The following NAV2 variants were observed in gnomAD, a reference collection of about 807,000 sequenced individuals.
NAV2 encodes neuron navigator 2, also known as helicase, APC down-regulated 1.
NAV2 carries 54 observed loss-of-function variants against 223.2 expected under a neutral mutation model. The observed-to-expected ratio is 0.24, with a 90% CI of 0.19 to 0.30. The LOEUF (loss-of-function observed/expected upper bound fraction) is 0.30. Among genes scored for constraint, NAV2 ranks in the 10% least tolerant of loss-of-function variants. The pLI is 1.00. For synonymous variants in NAV2, 1,279 were observed against 1,239.3 expected (o/e 1.03, Z -0.67); for missense variants, 2,806 against 3,147.5 (o/e 0.89, Z 2.60).
intron 1 of NAV2, among the ~76,000 whole-genome samples, chr11:19,628,505 A>G (rs942749947): frequency 1.3e-5 from 2 of 152,294 alleles, no homozygotes; most frequent in Non-Finnish European, 2.9e-5. Context: ...TGAGTGACAC[A>G]GATATATATT....
Position 19,359,528 on chromosome 11 carries a change from C to T in NAV2, c.75+8501C>T, listed in dbSNP as rs1403986430. On this transcript the variant is annotated intron_variant, in intron 1 of 37. Coordinates refer to the NAV2 transcript ENST00000360655. The stretch of plus-strand genomic sequence containing the variant: ...CAAAATATGCCCTTACATGTTGCAG[C>T]ACAATGGGGCAAATTGTGAGAGCAA... 3.9e-5 allele frequency among the ~76,000 whole-genome samples: 6 copies of T among 152,132 alleles called. No individual in the cohort carries two copies. The East Asian group carries it at 1.2e-3, about 29-fold the overall frequency.
chr11:19,972,562 C>T (rs562954478), intron 10 of NAV2, among the ~76,000 whole-genome samples: 3 of 152,236 alleles, frequency 2.0e-5, no homozygotes, highest in South Asian at 4.2e-4. Context: ...AACCATACAC[C>T]GAGTTCACTT....
chr11:19,404,398 T>C (rs557890428), intron 1 of NAV2, among the ~76,000 whole-genome samples: 1 of 152,288 alleles, frequency 6.6e-6, no homozygotes, highest in East Asian at 1.9e-4. Context: ...AGTTCTCCTC[T>C]CTCCAGCACC....
intron 6 of NAV2, among the ~76,000 whole-genome samples, chr11:19,932,042 G>T (rs926669096): frequency 6.6e-6 from 1 of 152,048 alleles, no homozygotes; most frequent in South Asian, 2.1e-4. Flanking sequence ...CCACCTTGGT[G>T]ACTAGCTGTT....
intron 6 of NAV2, among the ~76,000 whole-genome samples, chr11:19,910,858 C>T (rs189921215): frequency 6.6e-6 from 1 of 151,446 alleles, no homozygotes; most frequent in Non-Finnish European, 1.5e-5. Context: ...ACTCTGTCTC[C>T]GAAACAAAAT....
chr11:19,601,580 G>T (rs1477423969), intron 1 of NAV2, among the ~76,000 whole-genome samples: 1 of 152,112 alleles, frequency 6.6e-6, no homozygotes, highest in African/African-American at 2.4e-5. Flanking sequence ...TGGTAATGGG[G>T]AAATGGGAAC....
At chr11:19,549,748 C>T (rs992232104) in intron 1 of NAV2, among the ~76,000 whole-genome samples, 8 of 152,336 alleles carry the variant, frequency 5.3e-5, no homozygotes, top group Non-Finnish European at 7.3e-5. Flanking sequence ...CGTGATACAG[C>T]GTAGAGGCCC....
intron 6 of NAV2, among the ~76,000 whole-genome samples, chr11:19,932,037 T>C (rs1262918255): frequency 1.3e-5 from 2 of 152,038 alleles, no homozygotes; most frequent in Admixed American, 6.6e-5. Flanking sequence ...ATTGGCCACC[T>C]TGGTGACTAG....
chr11:19,876,112 A>G (rs968755452), intron 4 of NAV2, among the ~76,000 whole-genome samples: 1 of 151,912 alleles, frequency 6.6e-6, no homozygotes, highest in African/African-American at 2.4e-5. Context: ...TGCAACCTCC[A>G]TCTCCCGGGT....
chr11:20,092,097 G>T, intron 27 of NAV2, 109 bp from the exon 28 acceptor site: 1 of 1,069,158 alleles, frequency 9.4e-7, no homozygotes, highest in Non-Finnish European at 1.4e-6. Flanking sequence ...TTCGCCTTGG[G>T]TGGAAGACCA....
Position 19,596,018 on chromosome 11 carries a change from T to TG in NAV2, c.76-236465dup, listed in dbSNP as rs199937415. On this transcript the variant is annotated intron_variant, in intron 1 of 37. Coordinates refer to the NAV2 transcript ENST00000360655. ...ACGTGCAGTGCACTCTGAAATTTTC[T>TG]GTTTTTTTTATTAATCACGTTATTT... 7.0e-3 allele frequency among the ~76,000 whole-genome samples: 1,067 copies of TG among 152,002 alleles called. 7 individuals are homozygous for TG. The highest frequency in any genetic ancestry group is 0.039 in the South Asian group (189 of 4,830).
chr11:19,402,044 T>G (rs1287010667), intron 1 of NAV2: 1 of 152,202 alleles, frequency 6.6e-6, no homozygotes, highest in African/African-American at 2.4e-5. Context: ...CATAAGACAT[T>G]GGACTCTGAT....
chr11:19,553,026 G>T (rs2044739495), intron 1 of NAV2, among the ~76,000 whole-genome samples: 1 of 152,222 alleles, frequency 6.6e-6, no homozygotes, highest in Non-Finnish European at 1.5e-5. Flanking sequence ...AGGTTTTGCA[G>T]CCTTGCCTCC....
chr11:19,886,184 C>T (rs1246981632), intron 5 of NAV2, among the ~76,000 whole-genome samples: 1 of 151,428 alleles, frequency 6.6e-6, no homozygotes, highest in East Asian at 1.9e-4. Context: ...CTCAATGTTA[C>T]CTAGGCTGGT....
intron 6 of NAV2, among the ~76,000 whole-genome samples, chr11:19,921,088 A>G (rs1370078164): frequency 6.6e-6 from 1 of 152,202 alleles, no homozygotes; most frequent in East Asian, 1.9e-4. Flanking sequence ...CCCATTAAGA[A>G]GACAACTGTC....
intron 6 of NAV2, among the ~76,000 whole-genome samples, chr11:19,923,946 T>C (rs1395541653): frequency 6.6e-6 from 1 of 152,176 alleles, no homozygotes; most frequent in Non-Finnish European, 1.5e-5. Flanking sequence ...AACTGAAAGA[T>C]AAAGAATAGG....
chr11:19,961,424 G>C (rs887093284), intron 10 of NAV2, among the ~76,000 whole-genome samples: 3 of 152,204 alleles, frequency 2.0e-5, no homozygotes, highest in African/African-American at 7.2e-5. Flanking sequence ...AAGGTTGGGA[G>C]TATTTTGGCC....
chr11:19,745,153 A>G (rs576296993), intron 1 of NAV2, among the ~76,000 whole-genome samples: 115 of 152,332 alleles, frequency 7.5e-4, no homozygotes, highest in Middle Eastern at 6.8e-3. Context: ...CTGAGAAGAC[A>G]TGATTTCAGA....
intron 1 of NAV2, among the ~76,000 whole-genome samples, chr11:19,683,241 G>C (rs975486069): frequency 1.3e-5 from 2 of 152,192 alleles, no homozygotes; most frequent in Non-Finnish European, 2.9e-5. Flanking sequence ...TGTTTGAATG[G>C]GGAGGGCCAA....
Sources: allele counts gnomAD v4.1 joint callset (sites outside exome capture counted in the v4.1 genomes callset), GRCh38; gene constraint gnomAD v4.1.1; transcripts MANE v1.5; gene names NCBI Gene and HGNC (gene_info 2026-07-23, HGNC 2026-07-21).